The following VDAC1 variants were observed in gnomAD, a reference collection of about 807,000 sequenced individuals.
VDAC1 encodes the protein non-selective voltage-gated ion channel VDAC1.
In VDAC1, 10 loss-of-function variants were observed where a neutral mutation model predicts 34.7. That is an observed-to-expected ratio of 0.29 (90% confidence interval 0.18 to 0.49). VDAC1 has a LOEUF of 0.49. VDAC1 is among the 20% of genes least tolerant of loss of function. The probability of loss-of-function intolerance (pLI) is 0.99; values close to 1 mark genes in which losing one functional copy is unlikely to be tolerated. For synonymous variants in VDAC1, 130 were observed against 136.0 expected, an observed-to-expected ratio of 0.96 and a Z score of 0.30; for missense variants, 230 against 347.9, an observed-to-expected ratio of 0.66 and a Z score of 2.69.
chr5:134,018,777 T>A, the VDAC1 span, among the ~76,000 whole-genome samples: 1 of 152,176 alleles, frequency 6.6e-6, no homozygotes, highest in African/African-American at 2.4e-5. Context: ...GGTGAGGACT[T>A]TGAGTCAAGC....
At chr5:134,093,354 T>A in the VDAC1 span, among the ~76,000 whole-genome samples, 2 of 145,722 alleles carry the variant, frequency 1.4e-5, no homozygotes, top group South Asian at 2.1e-4. Context: ...CACACACGCA[T>A]ATAAGTGTGT....
chr5:134,064,098 A>G, the VDAC1 span, among the ~76,000 whole-genome samples: 69,269 of 150,320 alleles, frequency 0.46, 16,682 homozygotes, highest in Non-Finnish European at 0.54. Flanking sequence ...TCAGCTTCTC[A>G]AAGTGCTGGG....
At chr5:134,044,940 A>G in the VDAC1 span, among the ~76,000 whole-genome samples, 1 of 152,208 alleles carries the variant, frequency 6.6e-6, no homozygotes, top group South Asian at 2.1e-4. Context: ...AGGCCTAGGC[A>G]GGGGCTGTAA....
the VDAC1 span, among the ~76,000 whole-genome samples, chr5:134,095,663 A>G: frequency 2.0e-5 from 3 of 152,196 alleles, no homozygotes; most frequent in East Asian, 3.9e-4. Context: ...CCACTGCCCA[A>G]TGATCCTAGT....
At chr5:133,980,689 A>AACCCCC in intron 6 of VDAC1, 40 bp downstream of exon 6, 1 of 564,058 alleles carries the variant, frequency 1.8e-6, no homozygotes, top group Non-Finnish European at 3.4e-6. Flanking sequence ...ACATGCTCCA[A>AACCCCC]CCCCACCCCT....
chr5:134,019,735 G>C, the VDAC1 span, among the ~76,000 whole-genome samples: 7 of 152,012 alleles, frequency 4.6e-5, no homozygotes, highest in African/African-American at 1.7e-4. Flanking sequence ...CATCACATAC[G>C]CACATGCACC....
the VDAC1 span, among the ~76,000 whole-genome samples, chr5:134,011,529 G>T: frequency 6.6e-6 from 1 of 151,776 alleles, no homozygotes; most frequent in East Asian, 1.9e-4. Context: ...GATTATTCTA[G>T]ATTGTACATT....
intron 7 of VDAC1, among the ~76,000 whole-genome samples, chr5:133,974,791 A>G (rs1033073090): frequency 1.3e-5 from 2 of 152,186 alleles, no homozygotes; most frequent in African/African-American, 4.8e-5. Context: ...CGTCTATACT[A>G]AAAACACAAA....
the VDAC1 span, among the ~76,000 whole-genome samples, chr5:134,082,486 G>A: frequency 6.6e-6 from 1 of 152,170 alleles, no homozygotes; most frequent in African/African-American, 2.4e-5. Flanking sequence ...AGACATTATG[G>A]TTGTTTCTAG....
chr5:134,023,400 A>T, the VDAC1 span, among the ~76,000 whole-genome samples: 4 of 150,958 alleles, frequency 2.6e-5, no homozygotes, highest in Non-Finnish European at 5.9e-5. Context: ...ACATGTTGAT[A>T]GGTGCAGCAA....
chr5:134,061,116 C>T, the VDAC1 span, among the ~76,000 whole-genome samples: 5 of 150,022 alleles, frequency 3.3e-5, no homozygotes, highest in East Asian at 1.9e-4. Context: ...CTGCCCACCT[C>T]GGCCTCCCAA....
the VDAC1 span, among the ~76,000 whole-genome samples, chr5:134,107,438 T>C: frequency 2.0e-5 from 3 of 152,210 alleles, no homozygotes; most frequent in Non-Finnish European, 4.4e-5. Flanking sequence ...ATTAGTCCTG[T>C]CTCTGCCCCC....
the VDAC1 span, among the ~76,000 whole-genome samples, chr5:134,020,000 C>G: frequency 6.6e-6 from 1 of 152,192 alleles, no homozygotes; most frequent in Non-Finnish European, 1.5e-5. Flanking sequence ...AGCTCGCAAG[C>G]GTCCCTGCCT....
intron 5 of VDAC1, among the ~76,000 whole-genome samples, chr5:133,989,474 C>A (rs1195419318): frequency 6.6e-6 from 1 of 151,910 alleles, no homozygotes; most frequent in Non-Finnish European, 1.5e-5. Context: ...ATTCTCATGC[C>A]TCAGCATCCC....
the VDAC1 span, among the ~76,000 whole-genome samples, chr5:134,107,790 C>A: frequency 2.0e-5 from 3 of 152,204 alleles, no homozygotes; most frequent in Non-Finnish European, 2.9e-5. Flanking sequence ...AAGTACTCTA[C>A]AAGCAGGAAC....
chr5:134,001,881 T>TC (rs1317723914), intron 1 of VDAC1, among the ~76,000 whole-genome samples: 1 of 151,948 alleles, frequency 6.6e-6, no homozygotes, highest in East Asian at 1.9e-4. Context: ...GTCCCACTCA[T>TC]CCCAAACCCC....
chr5:134,091,480 G>A, the VDAC1 span, among the ~76,000 whole-genome samples: 1 of 152,156 alleles, frequency 6.6e-6, no homozygotes, highest in Non-Finnish European at 1.5e-5. Flanking sequence ...GATGTCGATC[G>A]ATGGGGACAG....
At chr5:134,016,128 CG>C in the VDAC1 span, among the ~76,000 whole-genome samples, 1 of 152,128 alleles carries the variant, frequency 6.6e-6, no homozygotes, top group Non-Finnish European at 1.5e-5. Context: ...TAAAGGAGGC[CG>C]GGTGTGGTAT....
the VDAC1 span, among the ~76,000 whole-genome samples, chr5:134,080,488 C>T: frequency 1.3e-5 from 2 of 151,932 alleles, no homozygotes; most frequent in East Asian, 3.9e-4. Flanking sequence ...CAAGCCTCCA[C>T]GGAGGTACAG....
Sources: allele counts gnomAD v4.1 joint callset (sites outside exome capture counted in the v4.1 genomes callset), GRCh38; gene constraint gnomAD v4.1.1; transcripts MANE v1.5; gene names NCBI Gene and HGNC (gene_info 2026-07-23, HGNC 2026-07-21).